ERBB4: variants seen among roughly 807,000 people sequenced by gnomAD.
The protein encoded by ERBB4 is erb-b2 receptor tyrosine kinase 4.
Under a neutral mutation model 158.0 loss-of-function variants are expected in ERBB4, and 42 were observed. The ratio of observed to expected loss-of-function variants is 0.27; its 90% CI spans 0.21 to 0.34. ERBB4 has a LOEUF of 0.34. Among genes scored for constraint, ERBB4 ranks in the 10% least tolerant of loss-of-function variants. The probability of loss-of-function intolerance (pLI) is 1.00; values close to 1 mark genes in which losing one functional copy is unlikely to be tolerated. For missense variants in ERBB4, 1,333 were observed against 1,624.1 expected (o/e 0.82, Z 3.08); for synonymous variants, 583 against 558.7 (o/e 1.04, Z -0.61).
intron 1 of ERBB4, among the ~76,000 whole-genome samples, chr2:212,261,015 C>A (rs1250023228): frequency 6.6e-6 from 1 of 151,936 alleles, no homozygotes; most frequent in East Asian, 1.9e-4. Flanking sequence ...CGATCTGGAC[C>A]CAGAATGAGA....
At chr2:212,015,044 ATATATATATAT>A (rs2076485274) in intron 2 of ERBB4, among the ~76,000 whole-genome samples, 3 of 4,114 alleles carry the variant, frequency 7.3e-4, no homozygotes, top group African/African-American at 2.0e-3. Context: ...AAAAAAAAAT[ATATATATATAT>A]ATATATATAT....
intron 2 of ERBB4, among the ~76,000 whole-genome samples, chr2:212,005,557 T>C (rs1186543143): frequency 2.0e-5 from 3 of 152,226 alleles, no homozygotes; most frequent in East Asian, 1.9e-4. Flanking sequence ...AAAGTATAAA[T>C]TCGTCAGATA....
intron 1 of ERBB4, among the ~76,000 whole-genome samples, chr2:212,322,587 T>C (rs770230208): frequency 6.6e-6 from 1 of 150,590 alleles, no homozygotes; most frequent in South Asian, 2.1e-4. Context: ...AAGAGGTTAT[T>C]AGATGAAAAT....
At chr2:212,307,603 T>C (rs2086858169) in intron 1 of ERBB4, among the ~76,000 whole-genome samples, 1 of 151,088 alleles carries the variant, frequency 6.6e-6, no homozygotes, top group South Asian at 2.1e-4. Flanking sequence ...ATCATTTATC[T>C]ACATGAAAAG....
chr2:211,597,862 G>C (rs1156700698), intron 19 of ERBB4, among the ~76,000 whole-genome samples: 1 of 152,002 alleles, frequency 6.6e-6, no homozygotes, highest in Non-Finnish European at 1.5e-5. Flanking sequence ...AGCTTTTTAA[G>C]AGTAACTAAA....
intron 2 of ERBB4, among the ~76,000 whole-genome samples, chr2:212,014,950 T>C (rs1351753174): frequency 6.7e-6 from 1 of 148,634 alleles, no homozygotes; most frequent in Non-Finnish European, 1.5e-5. Flanking sequence ...CGCAGCACTT[T>C]GGGAGGCGAA....
chr2:211,995,189 C>A (rs2082171185), intron 2 of ERBB4, among the ~76,000 whole-genome samples: 1 of 152,128 alleles, frequency 6.6e-6, no homozygotes, highest in African/African-American at 2.4e-5. Context: ...CAGCTTTATT[C>A]AATAATGTTT....
In ERBB4 at chr2:211,759,297, C is replaced by T. The variant is rs139399982; in HGVS notation, c.557-8593G>A. ...TGGATTAATGCAATAACCTCTTATC[C>T]GGTGTCCTAGCTTCCACCCTGGCCC... On this transcript the variant is annotated intron_variant, in intron 4 of 27. Transcript: ENST00000342788. 6.8e-3 allele frequency among the ~76,000 whole-genome samples: 1,039 copies of T among 152,262 alleles called. 15 individuals carry two copies. The highest frequency in any genetic ancestry group is 0.02 in the Middle Eastern group (6 of 294).
chr2:211,629,086 A>G (rs560687484), intron 17 of ERBB4, among the ~76,000 whole-genome samples: 2 of 151,970 alleles, frequency 1.3e-5, no homozygotes, highest in Non-Finnish European at 2.9e-5. Context: ...TTGTCAGATG[A>G]GTAGATTGTA....
intron 20 of ERBB4, among the ~76,000 whole-genome samples, chr2:211,472,843 C>T (rs978906959): frequency 2.4e-4 from 36 of 151,844 alleles, no homozygotes; most frequent in Non-Finnish European, 4.6e-4. Flanking sequence ...AGCCTCAGAG[C>T]TCCTGGTTCA....
rs115794833 is a variant in ERBB4 at position 211,879,324 on chromosome 2, T to C, written c.421+68106A>G. Among the ~76,000 whole-genome samples, 686 of 152,250 alleles carry C rather than the reference T, an allele frequency of 4.5e-3. 5 individuals carry two copies. The highest frequency in any genetic ancestry group is 0.016 in the African/African-American group (658 of 41,572). On this transcript the variant is annotated intron_variant, in intron 3 of 27. Transcript: ENST00000342788. Reference sequence around the variant, plus strand: ...TGAGCTCATAATTCCATAAGGAAAATTGATGAATACCATATAGAATAACAG... The same window carrying C: ...TGAGCTCATAATTCCATAAGGAAAACTGATGAATACCATATAGAATAACAG...
intron 20 of ERBB4, among the ~76,000 whole-genome samples, chr2:211,437,494 T>C (rs2063880719): frequency 6.6e-6 from 1 of 152,218 alleles, no homozygotes; most frequent in Admixed American, 6.5e-5. Flanking sequence ...AATCTTATGA[T>C]ATGTGAGTCA....
chr2:211,678,537 C>T (rs1050672245), intron 13 of ERBB4, among the ~76,000 whole-genome samples: 1 of 152,152 alleles, frequency 6.6e-6, no homozygotes, highest in African/African-American at 2.4e-5. Flanking sequence ...CAATAGTAAA[C>T]TATGTATTTG....
In ERBB4 at chr2:212,020,390, C is replaced by T. The variant is rs1465968819; in HGVS notation, c.235-72774G>A. Among the ~76,000 whole-genome samples, 3 of 152,080 alleles carry T rather than the reference C, an allele frequency of 2.0e-5. No individual in the cohort carries two copies. The East Asian group carries it at 5.8e-4, about 29-fold the overall frequency. ...ATTATCAGCCTTCTCACTTGTTCTA[C>T]TGGATATATCCAGGTTTACTGAATC... On this transcript the variant is annotated intron_variant, in intron 2 of 27. Transcript: ENST00000342788.
intron 3 of ERBB4, among the ~76,000 whole-genome samples, chr2:211,915,438 C>CATATATATAT (rs78546007): frequency 1.5e-4 from 22 of 147,592 alleles, no homozygotes; most frequent in African/African-American, 5.4e-4. Flanking sequence ...TCAAACATTA[C>CATATATATAT]ATATATATAT....
chr2:211,468,443 G>A (rs2064750938), intron 20 of ERBB4, among the ~76,000 whole-genome samples: 1 of 152,086 alleles, frequency 6.6e-6, no homozygotes, highest in Non-Finnish European at 1.5e-5. Context: ...ACAGATAAGA[G>A]CATGTTCAAA....
At chr2:211,392,756 C>A (rs1395398254) in intron 25 of ERBB4, among the ~76,000 whole-genome samples, 2 of 152,012 alleles carry the variant, frequency 1.3e-5, no homozygotes, top group Non-Finnish European at 2.9e-5. Context: ...GCAGTCTCTG[C>A]CTCCCGGGTT....
intron 1 of ERBB4, among the ~76,000 whole-genome samples, chr2:212,500,707 T>C (rs1405757179): frequency 6.6e-6 from 1 of 152,076 alleles, no homozygotes; most frequent in Non-Finnish European, 1.5e-5. Context: ...ACCAAGAAGA[T>C]AGAACAAATT....
At chr2:212,238,309 A>G (rs2083954135) in intron 1 of ERBB4, among the ~76,000 whole-genome samples, 1 of 151,970 alleles carries the variant, frequency 6.6e-6, no homozygotes, top group Non-Finnish European at 1.5e-5. Flanking sequence ...GTCCCTCATG[A>G]TTTTCCTTGG....
Sources: allele counts gnomAD v4.1 joint callset (sites outside exome capture counted in the v4.1 genomes callset), GRCh38; gene constraint gnomAD v4.1.1; transcripts MANE v1.5; gene names NCBI Gene and HGNC (gene_info 2026-07-23, HGNC 2026-07-21).